The following GRM5 variants were observed in gnomAD, a reference collection of about 807,000 sequenced individuals.
GRM5 encodes the protein glutamate metabotropic receptor 5.
In GRM5, 19 loss-of-function variants were observed where a neutral mutation model predicts 83.1. The observed-to-expected ratio is 0.23, with a 90% CI of 0.16 to 0.34. The LOEUF (loss-of-function observed/expected upper bound fraction) is 0.34, where lower values mean the gene tolerates loss of function less well. GRM5 is among the 10% of genes least tolerant of loss of function. The pLI, the probability that GRM5 is intolerant of heterozygous loss-of-function variation, is 1.00. For missense variants in GRM5, 1,160 were observed against 1,588.3 expected (o/e 0.73, Z 4.58); for synonymous variants, 675 against 633.6 (o/e 1.07, Z -0.98).
At chr11:88,809,091 T>A (rs1943545351) in intron 3 of GRM5, among the ~76,000 whole-genome samples, 1 of 152,160 alleles carries the variant, frequency 6.6e-6, no homozygotes, top group African/African-American at 2.4e-5. Context: ...ATTTCTTTTT[T>A]AATTCACAAG....
chr11:88,755,635 T>C (rs866966591), intron 3 of GRM5, among the ~76,000 whole-genome samples: 17 of 152,172 alleles, frequency 1.1e-4, no homozygotes, highest in African/African-American at 2.9e-4. Context: ...GTAGTATGCC[T>C]AAGCAGTTTT....
chr11:88,542,487 A>T (rs768072174), intron 8 of GRM5, among the ~76,000 whole-genome samples: 3 of 152,232 alleles, frequency 2.0e-5, no homozygotes, highest in Non-Finnish European at 4.4e-5. Flanking sequence ...TTGTCTCTTT[A>T]CAACCCTAGG....
chr11:88,550,832 AAT>A (rs1465181168), intron 8 of GRM5, among the ~76,000 whole-genome samples: 1 of 152,184 alleles, frequency 6.6e-6, no homozygotes, highest in African/African-American at 2.4e-5. Context: ...CAGTCTTTCA[AAT>A]ACAATCTTAG....
intron 2 of GRM5, among the ~76,000 whole-genome samples, chr11:88,932,964 C>T (rs1299272208): frequency 1.3e-5 from 2 of 151,878 alleles, no homozygotes; most frequent in East Asian, 1.9e-4. Flanking sequence ...ATCTCTAAAT[C>T]ATGTGTATGA....
chr11:88,775,149 T>C (rs1385292652), intron 3 of GRM5, among the ~76,000 whole-genome samples: 1 of 152,208 alleles, frequency 6.6e-6, no homozygotes, highest in Non-Finnish European at 1.5e-5. Context: ...AGATTCAACT[T>C]CTTCCTGGTT....
chr11:88,789,854 AT>A (rs143126833), intron 3 of GRM5, among the ~76,000 whole-genome samples: 16 of 150,372 alleles, frequency 1.1e-4, no homozygotes, highest in Non-Finnish European at 1.8e-4. Flanking sequence ...TACAAGGCAA[AT>A]TTTTTTTTTC....
chr11:88,886,157 T>C (rs1945041030), intron 2 of GRM5, among the ~76,000 whole-genome samples: 1 of 152,164 alleles, frequency 6.6e-6, no homozygotes, highest in African/African-American at 2.4e-5. Context: ...GAGACCTGTA[T>C]CTCTATAGAG....
chr11:88,761,870 T>C (rs1942524930), intron 3 of GRM5, among the ~76,000 whole-genome samples: 1 of 151,396 alleles, frequency 6.6e-6, no homozygotes, highest in Admixed American at 6.6e-5. Context: ...CAACAGAACA[T>C]AATAGAGGAC....
At chr11:89,043,865 C>G (rs1941585450) in intron 2 of GRM5, among the ~76,000 whole-genome samples, 1 of 152,254 alleles carries the variant, frequency 6.6e-6, no homozygotes, top group South Asian at 2.1e-4. Context: ...AACCTGGGTG[C>G]TCTCATACTT....
intron 2 of GRM5, among the ~76,000 whole-genome samples, chr11:88,995,010 G>C (rs772099175): frequency 6.6e-6 from 1 of 152,044 alleles, no homozygotes; most frequent in African/African-American, 2.4e-5. Flanking sequence ...CCAAACCCTG[G>C]AGATAAAGAA....
At chr11:88,869,035 C>T (rs1052850071) in intron 2 of GRM5, among the ~76,000 whole-genome samples, 19 of 151,688 alleles carry the variant, frequency 1.3e-4, no homozygotes, top group African/African-American at 4.6e-4. Context: ...TTTAATCATA[C>T]CTTTGAGATA....
chr11:88,964,226 T>C (rs780800495), intron 2 of GRM5, among the ~76,000 whole-genome samples: 1 of 152,162 alleles, frequency 6.6e-6, no homozygotes, highest in East Asian at 1.9e-4. Flanking sequence ...TAAAAATTGT[T>C]AGTGAGACAT....
rs112452170 is a variant in GRM5 at position 88,696,238 on chromosome 11, G to C, written c.912-42835C>G. On this transcript the variant is annotated intron_variant, in intron 3 of 9. Coordinates refer to ENST00000305447, the MANE Select transcript of GRM5 (RefSeq NM_001143831.3). ...CACTGTTGATGGTCTGCCAGCGTCT[G>C]CTGGTTTCTGTCTGTGGGTGTTCTC... Among the ~76,000 whole-genome samples, 1,175 of 152,228 alleles carry C rather than the reference G, an allele frequency of 7.7e-3. 10 individuals are homozygous for C. The highest frequency in any genetic ancestry group is 0.027 in the African/African-American group (1,110 of 41,528).
At chr11:88,848,889 T>C (rs1944342539) in intron 3 of GRM5, among the ~76,000 whole-genome samples, 1 of 152,180 alleles carries the variant, frequency 6.6e-6, no homozygotes, top group South Asian at 2.1e-4. Context: ...ACTGAAGACC[T>C]GAATAGTATT....
chr11:88,685,693 C>T (rs545726186), intron 3 of GRM5, among the ~76,000 whole-genome samples: 10 of 152,152 alleles, frequency 6.6e-5, no homozygotes, highest in Admixed American at 5.2e-4. Flanking sequence ...GCATCCCAGC[C>T]ACTACAGCCA....
chr11:88,993,770 G>C (rs1300412095), intron 2 of GRM5, among the ~76,000 whole-genome samples: 1 of 152,130 alleles, frequency 6.6e-6, no homozygotes, highest in Non-Finnish European at 1.5e-5. Flanking sequence ...TGTCCAGGCT[G>C]GAGTGCAGTG....
chr11:88,793,115 A>G (rs1943208386), intron 3 of GRM5, among the ~76,000 whole-genome samples: 1 of 152,130 alleles, frequency 6.6e-6, no homozygotes, highest in South Asian at 2.1e-4. Flanking sequence ...TTATCTCCAA[A>G]TTGATGATAT....
At chr11:88,864,626 T>C (rs1465831188) in intron 2 of GRM5, among the ~76,000 whole-genome samples, 6 of 152,080 alleles carry the variant, frequency 3.9e-5, no homozygotes, top group Non-Finnish European at 8.8e-5. Context: ...AAGAGACAAT[T>C]TGACTTCCTT....
At chr11:88,577,074 C>A (rs554940780) in intron 7 of GRM5, among the ~76,000 whole-genome samples, 1 of 152,090 alleles carries the variant, frequency 6.6e-6, no homozygotes, top group Non-Finnish European at 1.5e-5. Context: ...CCAGGCCCCA[C>A]TATATTCCTT....
Sources: allele counts gnomAD v4.1 joint callset (sites outside exome capture counted in the v4.1 genomes callset), GRCh38; gene constraint gnomAD v4.1.1; transcripts MANE v1.5; gene names NCBI Gene and HGNC (gene_info 2026-07-23, HGNC 2026-07-21).